GABRR1: variants seen among roughly 807,000 people sequenced by gnomAD.
GABRR1 encodes gamma-aminobutyric acid type A receptor subunit rho1.
GABRR1 carries 59 observed loss-of-function variants against 55.5 expected under a neutral mutation model. The observed-to-expected ratio is 1.06, with a 90% CI of 0.86 to 1.32. GABRR1 has a LOEUF of 1.32. Ranked by LOEUF, GABRR1 falls within the 40% of genes most tolerant of loss-of-function variation. The probability of loss-of-function intolerance (pLI) is 0.00; values close to 1 mark genes in which losing one functional copy is unlikely to be tolerated. For synonymous variants in GABRR1, 213 were observed against 226.0 expected (o/e 0.94, Z 0.51); for missense variants, 602 against 619.1 (o/e 0.97, Z 0.29).
intron 1 of GABRR1, among the ~76,000 whole-genome samples, chr6:89,208,537 A>G (rs971335175): frequency 6.6e-6 from 1 of 152,236 alleles, no homozygotes; most frequent in African/African-American, 2.4e-5. Flanking sequence ...CTTTAAGTAA[A>G]GCAGATACCC....
At chr6:89,182,772 G>A (rs950861410) in intron 7 of GABRR1, among the ~76,000 whole-genome samples, 35 of 152,116 alleles carry the variant, frequency 2.3e-4, no homozygotes, top group Non-Finnish European at 4.0e-4. Context: ...AGCACTTTGG[G>A]AGGCCAAGGC....
chr6:89,212,988 G>C (rs1362334163), intron 1 of GABRR1, among the ~76,000 whole-genome samples: 1 of 152,148 alleles, frequency 6.6e-6, no homozygotes, highest in African/African-American at 2.4e-5. Flanking sequence ...AGTAAGTTTT[G>C]ATTCTAGAAA....
intron 3 of GABRR1, among the ~76,000 whole-genome samples, 185 bp downstream of exon 3, chr6:89,200,974 C>T (rs1375738066): frequency 1.3e-5 from 2 of 150,118 alleles, no homozygotes; most frequent in Non-Finnish European, 3.0e-5. Flanking sequence ...GACTGTTCAG[C>T]AGAACCCAGG....
chr6:89,192,829 G>T (rs1197324196), intron 5 of GABRR1, among the ~76,000 whole-genome samples: 2 of 152,068 alleles, frequency 1.3e-5, no homozygotes, highest in African/African-American at 4.8e-5. Flanking sequence ...CAAAGGGCTG[G>T]GATTATAGGC....
At position 89,212,342 on chromosome 6, in the gene GABRR1, T is replaced by A. The variant is rs565492541; in HGVS notation, c.122+4859A>T. On this transcript the variant is annotated intron_variant, in intron 1 of 9. Transcript: ENST00000454853. The stretch of plus-strand genomic sequence containing the variant: ...GCTCTTACCTGGCCTCAGACTCTGG[T>A]CATAGACTCTGGATTACTTTCTCTG... Among the ~76,000 whole-genome samples the A allele has an allele frequency of 3.0e-5, 3 of 100,536 alleles. 1 individual carries two copies. Among genetic ancestry groups the A allele is most frequent in the Admixed American group, 2.1e-4 (2 of 9,500 alleles). The allele number at this position is 100,536 out of a possible 152,430, so 66.0% of individuals were successfully genotyped here.
In GABRR1 at chr6:89,181,960, CA is replaced by C; in HGVS notation, c.893del (p.Leu298ArgfsTer19). The stretch of plus-strand genomic sequence containing the variant: ...GGTCGATCCAGAAGGACACCCAGGA[CA>C]GCATGACCATCAGGGTAGCGGGGAA... The part of the protein sequence containing the change: ...TYFPATLMVM[L>X]SWVSFWIDRR... On this transcript the variant is annotated frameshift_variant, in exon 8 of 10. Coordinates refer to ENST00000454853, the MANE Select transcript of GABRR1 (RefSeq NM_002042.5). LOFTEE classifies it high-confidence loss of function. The C allele has an allele frequency of 6.2e-7, 1 of 1,614,094 alleles. No homozygotes were observed. Among genetic ancestry groups the C allele is most frequent in the Admixed American group, 1.7e-5 (1 of 60,014 alleles).
chr6:89,231,055 C>T (rs1280025041), intron 1 of GABRR1, among the ~76,000 whole-genome samples: 1 of 151,960 alleles, frequency 6.6e-6, no homozygotes, highest in African/African-American at 2.4e-5. Context: ...CTTTCTTTGA[C>T]TCGGAAAGGG....
At chr6:89,179,483 G>A (rs1771649631) in intron 9 of GABRR1, among the ~76,000 whole-genome samples, 1 of 152,202 alleles carries the variant, frequency 6.6e-6, no homozygotes, top group African/African-American at 2.4e-5. Context: ...GCCTCCCAAA[G>A]TGCTGGGATT....
intron 2 of GABRR1, among the ~76,000 whole-genome samples, chr6:89,202,305 TTG>T: frequency 1.5e-5 from 2 of 135,260 alleles, no homozygotes; most frequent in African/African-American, 5.0e-5. Context: ...GTTTGTTTGT[TTG>T]TTTTGAGACA....
intron 1 of GABRR1, chr6:89,204,786 A>G: frequency 2.0e-6 from 1 of 510,614 alleles, no homozygotes; most frequent in Non-Finnish European, 2.9e-6. Context: ...TTACATGCCC[A>G]TGTAAAAAAA....
chr6:89,226,369 G>A (rs1222009845), intron 1 of GABRR1, among the ~76,000 whole-genome samples: 1 of 143,874 alleles, frequency 7.0e-6, no homozygotes, highest in Non-Finnish European at 1.5e-5. Flanking sequence ...TAATGCCTAG[G>A]TTTTCTTCTA....
At chr6:89,190,068 A>G in intron 6 of GABRR1, 97 bp downstream of exon 6, 2 of 769,954 alleles carry the variant, frequency 2.6e-6, no homozygotes, top group Non-Finnish European at 4.0e-6. Context: ...AAGTCTACTC[A>G]TGAATAAGGA....
rs777339555 is a variant in GABRR1, at chr6:89,178,963, T to C, written c.1247A>G (p.Asn416Ser). 6.2e-7 allele frequency: 1 copy of C among 1,614,166 alleles called. No homozygotes were observed. Among genetic ancestry groups the C allele is most frequent in the Non-Finnish European group, 8.5e-7 (1 of 1,180,012 alleles). The change falls in exon 10 of 10, where the codon AAT (asparagine) becomes AGT (serine). Residue 416 changes from asparagine to serine, a missense_variant. This residue lies in a region of GABRR1 where 139 missense variants were observed against 141.1 expected (regional missense o/e 0.99). Transcript: ENST00000454853. The stretch of plus-strand genomic sequence containing the variant: ...CATCATCCTGTCGGGCTTCTCTCCA[T>C]TCTCTGGCATGTAGTTGTCCAGGTC... ...VNDLDNYMPENGEKPDRMMVQ... is the reference protein window; with the variant it reads ...VNDLDNYMPESGEKPDRMMVQ...
At chr6:89,213,682 C>G (rs1399119323) in intron 1 of GABRR1, among the ~76,000 whole-genome samples, 1 of 152,168 alleles carries the variant, frequency 6.6e-6, no homozygotes, top group African/African-American at 2.4e-5. Context: ...AATGATAATT[C>G]TATTGACTTT....
Position 89,183,656 on chromosome 6 carries a change from C to T in GABRR1, c.797-1599G>A, listed in dbSNP as rs551937234. Among the ~76,000 whole-genome samples the T allele has an allele frequency of 7.4e-5, 11 of 149,384 alleles. No individual in the cohort carries two copies. The East Asian group carries it at 1.9e-3, about 26-fold the overall frequency. On this transcript the variant is annotated intron_variant, in intron 7 of 9. Coordinates refer to ENST00000454853, the MANE Select transcript of GABRR1 (RefSeq NM_002042.5). ...GATATGAATGAATATGGTATATATA[C>T]ACCATGGAATACCACTCTTCCATTA... is the stretch of plus-strand genomic sequence containing the variant.
intron 3 of GABRR1, among the ~76,000 whole-genome samples, chr6:89,200,241 CTTTTTT>C (rs10603486): frequency 0.023 from 1,993 of 86,434 alleles, 26 homozygotes; most frequent in Admixed American, 0.03. Flanking sequence ...TTCTTTTTCC[CTTTTTT>C]TTTTTTTTTT....
rs762147194 is a variant in GABRR1 at position 89,181,926 on chromosome 6, C to A, written c.928G>T (p.Val310Leu). The A allele has an allele frequency of 3.1e-6, 5 of 1,612,874 alleles. No individual in the cohort carries two copies. In the Admixed American group the frequency reaches 8.3e-5, roughly 27 times the overall value. ...WVSFWIDRRA[V>L]PARVPLGITT... is the part of the protein sequence containing the mutation. ...TTACCTAAGGGGACTCTGGCAGGCACGGCTCTGCGGTCGATCCAGAAGGAC... is the reference window on the plus strand; with the variant it reads ...TTACCTAAGGGGACTCTGGCAGGCAAGGCTCTGCGGTCGATCCAGAAGGAC... Residue 310 changes from valine to leucine, a missense_variant, in exon 8 of 10, where the codon GTG becomes TTG. By Grantham distance (32) the Val-to-Leu change is conservative. Coordinates refer to ENST00000454853, the MANE Select transcript of GABRR1 (RefSeq NM_002042.5).
At chr6:89,213,230 AC>A (rs2127807291) in intron 1 of GABRR1, among the ~76,000 whole-genome samples, 1 of 151,996 alleles carries the variant, frequency 6.6e-6, no homozygotes, top group East Asian at 1.9e-4. Flanking sequence ...CACTAGATTC[AC>A]CCCCTGGTGT....
At chr6:89,195,004 CAAG>C (rs1257711968) in intron 5 of GABRR1, among the ~76,000 whole-genome samples, 5 of 152,016 alleles carry the variant, frequency 3.3e-5, no homozygotes, top group Non-Finnish European at 5.9e-5. Flanking sequence ...TTCCAAAACT[CAAG>C]AAGGAGATAA....
Sources: gnomAD v4.1 joint callset for allele counts (sites outside exome capture counted in the v4.1 genomes callset) on GRCh38, gnomAD v4.1.1 for gene constraint, gnomAD v4.1.1 regional missense constraint, MANE v1.5 for transcripts, NCBI Gene and HGNC (gene_info 2026-07-23, HGNC 2026-07-21) for gene names.